The following ASAP1 variants were observed in gnomAD, a reference collection of about 807,000 sequenced individuals.
The protein encoded by ASAP1 is ArfGAP with SH3 domain, ankyrin repeat and PH domain 1, also known as arf-GAP with SH3 domain, ANK repeat and PH domain-containing protein 1.
ASAP1 carries 43 observed loss-of-function variants against 145.2 expected under a neutral mutation model. The ratio of observed to expected loss-of-function variants is 0.30; its 90% CI spans 0.23 to 0.38. The LOEUF (loss-of-function observed/expected upper bound fraction) is 0.38, where lower values mean the gene tolerates loss of function less well. Among genes scored for constraint, ASAP1 ranks in the 10% least tolerant of loss-of-function variants. The pLI is 1.00. For missense variants in ASAP1, 1,018 were observed against 1,355.3 expected (o/e 0.75, Z 3.91); for synonymous variants, 546 against 515.5 (o/e 1.06, Z -0.80).
intron 2 of ASAP1, among the ~76,000 whole-genome samples, chr8:130,368,034 A>T (rs1318853098): frequency 6.6e-6 from 1 of 152,134 alleles, no homozygotes; most frequent in Non-Finnish European, 1.5e-5. Context: ...GAGCATTTGA[A>T]TCACACTAGG....
chr8:130,296,382 G>A (rs918442876), intron 3 of ASAP1, among the ~76,000 whole-genome samples: 14 of 152,190 alleles, frequency 9.2e-5, no homozygotes, highest in Admixed American at 8.5e-4. Context: ...AAGGCACACA[G>A]AGCTCGGGCC....
intron 3 of ASAP1, among the ~76,000 whole-genome samples, chr8:130,311,799 CTTATAA>C (rs1823370263): frequency 7.1e-6 from 1 of 140,458 alleles, no homozygotes; most frequent in Non-Finnish European, 1.5e-5. Flanking sequence ...ATATAGGTTA[CTTATAA>C]TTATAGAAAG....
At chr8:130,100,621 A>G (rs780333476) in intron 24 of ASAP1, among the ~76,000 whole-genome samples, 18 of 152,050 alleles carry the variant, frequency 1.2e-4, no homozygotes, top group Non-Finnish European at 1.9e-4. Flanking sequence ...GAACCACCAC[A>G]CCCGGCCTCT....
In ASAP1 at chr8:130,124,020, T is replaced by C; in HGVS notation, c.1600A>G (p.Ser534Gly). The change falls in exon 18 of 30, where the codon AGT (serine) becomes GGT (glycine). Residue 534 changes from serine to glycine, a missense_variant. Transcript: ENST00000518721. ...PSPSPKPTPS[S>G]DMTVRKEYIT... ...TATATCAGAAATACTTACATATCAC[T>C]TGAAGGGGTGGGTTTTGGTGAGGGG... is the stretch of plus-strand genomic sequence containing the variant. The C allele has an allele frequency of 6.2e-7, 1 of 1,606,126 alleles. No individual in the cohort carries two copies. The highest frequency in any genetic ancestry group is 1.1e-5 in the South Asian group (1 of 89,748).
chr8:130,174,391 T>G (rs551262480), intron 9 of ASAP1, among the ~76,000 whole-genome samples: 56 of 152,324 alleles, frequency 3.7e-4, no homozygotes, highest in Admixed American at 3.1e-3. Context: ...GGATGTCTCA[T>G]TTATCTCTTA....
chr8:130,320,628 T>C (rs147954767), intron 3 of ASAP1, among the ~76,000 whole-genome samples: 12 of 83,556 alleles, frequency 1.4e-4, no homozygotes, highest in African/African-American at 6.3e-4. Flanking sequence ...TAGGGCTGTA[T>C]GAAGGAGGAA....
intron 2 of ASAP1, among the ~76,000 whole-genome samples, chr8:130,397,759 A>G (rs1828601038): frequency 6.6e-6 from 1 of 152,212 alleles, no homozygotes; most frequent in African/African-American, 2.4e-5. Context: ...GTGTTATTTC[A>G]GCAGATGAGC....
chr8:130,059,159 A>T (rs946743010), intron 28 of ASAP1, among the ~76,000 whole-genome samples: 1 of 151,502 alleles, frequency 6.6e-6, no homozygotes, highest in African/African-American at 2.4e-5. Context: ...CTTTTACTGC[A>T]ACATTTAAAT....
intron 1 of ASAP1, among the ~76,000 whole-genome samples, chr8:130,415,719 C>T (rs187414327): frequency 2.0e-5 from 3 of 148,884 alleles, no homozygotes; most frequent in Non-Finnish European, 3.0e-5. Context: ...ACCCAGGAGG[C>T]GGAGGTTGCA....
At chr8:130,157,262 C>A (rs774982083) in intron 12 of ASAP1, among the ~76,000 whole-genome samples, 9 of 152,152 alleles carry the variant, frequency 5.9e-5, no homozygotes, top group Non-Finnish European at 1.2e-4. Context: ...GTTGGGATTT[C>A]TTTTCTCCTT....
intron 5 of ASAP1, among the ~76,000 whole-genome samples, chr8:130,211,108 C>T (rs1021181036): frequency 6.6e-6 from 1 of 152,166 alleles, no homozygotes; most frequent in Non-Finnish European, 1.5e-5. Context: ...CCTCCAACCA[C>T]CTATGCTTCA....
intron 25 of ASAP1, among the ~76,000 whole-genome samples, chr8:130,087,193 T>C (rs2097495345): frequency 6.6e-6 from 1 of 152,014 alleles, no homozygotes. Context: ...GAAACACAAA[T>C]GTCGGGGAAC....
intron 27 of ASAP1, among the ~76,000 whole-genome samples, chr8:130,061,834 T>A (rs2135072637): frequency 6.6e-6 from 1 of 152,372 alleles, no homozygotes; most frequent in Non-Finnish European, 1.5e-5. Flanking sequence ...ATGCACAGCT[T>A]AGGAAATGTA....
At chr8:130,300,113 TAC>T (rs373589102) in intron 3 of ASAP1, among the ~76,000 whole-genome samples, 948 of 72,842 alleles carry the variant, frequency 0.013, 17 homozygotes, top group African/African-American at 0.027. Context: ...AAAAGAAAAA[TAC>T]ACACACACAC....
intron 7 of ASAP1, among the ~76,000 whole-genome samples, chr8:130,186,985 C>T (rs1481639290): frequency 2.0e-5 from 3 of 152,218 alleles, no homozygotes; most frequent in Admixed American, 6.5e-5. Context: ...GCCATAAATG[C>T]GAGAACAACT....
At chr8:130,246,772 T>C (rs965593196) in intron 3 of ASAP1, among the ~76,000 whole-genome samples, 2 of 152,178 alleles carry the variant, frequency 1.3e-5, no homozygotes, top group Non-Finnish European at 2.9e-5. Context: ...CCATACATTC[T>C]GTAAAGAGAA....
At chr8:130,391,070 T>C (rs1828262610) in intron 2 of ASAP1, among the ~76,000 whole-genome samples, 1 of 152,054 alleles carries the variant, frequency 6.6e-6, no homozygotes, top group Admixed American at 6.6e-5. Flanking sequence ...CAAAATATGA[T>C]ATGTACATAC....
Position 130,118,215 on chromosome 8 carries a change from A to G in ASAP1, c.1826T>C (p.Val609Ala). ...GAGAGATGTCTGATCTGCAGTTCGGACGGCAAGGTGAAGGGCTGTCTCCCC... is the reference window on the plus strand; with the variant it reads ...GAGAGATGTCTGATCTGCAGTTCGGGCGGCAAGGTGAAGGGCTGTCTCCCC... ...ELGETALHLA[V>A]RTADQTSLHL... The change falls in exon 20 of 30, where the codon GTC (valine) becomes GCC (alanine). Residue 609 changes from valine to alanine, a missense_variant. By Grantham distance (64) the Val-to-Ala change is moderately conservative. Coordinates refer to ENST00000518721, the MANE Select transcript of ASAP1 (RefSeq NM_018482.4). 6.2e-7 allele frequency: 1 copy of G among 1,613,988 alleles called. No homozygotes were observed. Among genetic ancestry groups the G allele is most frequent in the South Asian group, 1.1e-5 (1 of 91,076 alleles).
At chr8:130,400,660 A>G (rs368771502) in intron 2 of ASAP1, among the ~76,000 whole-genome samples, 12 of 151,982 alleles carry the variant, frequency 7.9e-5, no homozygotes, top group East Asian at 5.9e-4. Flanking sequence ...GCGTGATGGC[A>G]GGCGCCTGTA....
Sources: gnomAD v4.1 joint callset for allele counts (sites outside exome capture counted in the v4.1 genomes callset) on GRCh38, gnomAD v4.1.1 for gene constraint, MANE v1.5 for transcripts, NCBI Gene and HGNC (gene_info 2026-07-23, HGNC 2026-07-21) for gene names.